MCOLN2: variants seen among roughly 807,000 people sequenced by gnomAD.
MCOLN2 encodes the protein mucolipin TRP cation channel 2, also known as mucolipin-2.
MCOLN2 carries 57 observed loss-of-function variants against 67.5 expected under a neutral mutation model. That is an observed-to-expected ratio of 0.84 (90% CI 0.68 to 1.05). MCOLN2 has a LOEUF of 1.05. Ranked by LOEUF, MCOLN2 falls within the 50% of genes least tolerant of loss-of-function variation. The pLI is 0.00. For missense variants in MCOLN2, 620 were observed against 678.8 expected (o/e 0.91, Z 0.96); for synonymous variants, 246 against 233.3 (o/e 1.05, Z -0.50).
chr1:84,971,394 T>C (rs1049581946), intron 1 of MCOLN2, among the ~76,000 whole-genome samples: 5 of 152,068 alleles, frequency 3.3e-5, no homozygotes, highest in African/African-American at 1.2e-4. Flanking sequence ...AAGGAAAATA[T>C]AAATGTATAA....
Position 84,931,500 on chromosome 1 carries a change from G to A in MCOLN2, c.1404C>T (p.Thr468=). The A allele has an allele frequency of 3.1e-6, 5 of 1,613,992 alleles. No individual in the cohort carries two copies. The highest frequency in any genetic ancestry group is 4.2e-6 in the Non-Finnish European group (5 of 1,179,950). ...SLVNGDDMFA[T]FAQIQQKSIL... is the part of the protein sequence containing the mutation. ...TGCTCTTCTGCTGGATTTGGGCAAA[G>A]GTTGCAAACATGTCATCACCGTTGA... is the stretch of plus-strand genomic sequence containing the variant. Residue 468 remains threonine (T), a synonymous_variant, in exon 12 of 14, where the codon ACC becomes ACT. Transcript: ENST00000370608.
chr1:84,993,079 T>C (rs945104096), intron 1 of MCOLN2, among the ~76,000 whole-genome samples: 5 of 152,260 alleles, frequency 3.3e-5, no homozygotes, highest in Non-Finnish European at 5.9e-5. Flanking sequence ...TGCTGTTTTA[T>C]CAACTATGTT....
rs1313929480 is a variant in MCOLN2 at position 84,927,273 on chromosome 1, G to GA, written c.1665-553dup. On this transcript the variant is annotated intron_variant, in intron 13 of 13. Transcript: ENST00000370608. Reference sequence around the variant, plus strand: ...CAATAAATACATTGGTTTGTTTCTGGAAAAAAAAAAAGAATCTCTGTGTCC... The same window carrying GA: ...CAATAAATACATTGGTTTGTTTCTGGAAAAAAAAAAAAGAATCTCTGTGTCC... 7.1e-3 allele frequency among the ~76,000 whole-genome samples: 1,030 copies of GA among 144,376 alleles called. 5 individuals carry two copies. Among genetic ancestry groups the GA allele is most frequent in the African/African-American group, 0.023 (911 of 39,642 alleles). The allele number at this position is 144,376 out of a possible 152,430, so 94.7% of individuals were successfully genotyped here.
intron 1 of MCOLN2, among the ~76,000 whole-genome samples, chr1:84,995,248 A>G (rs116058968): frequency 0.023 from 3,078 of 131,072 alleles, 102 homozygotes; most frequent in African/African-American, 0.074. Context: ...ATAGAGACAC[A>G]AAGTGAGCAC....
intron 6 of MCOLN2, among the ~76,000 whole-genome samples, chr1:84,947,958 G>A (rs573666718): frequency 2.0e-5 from 3 of 152,276 alleles, no homozygotes; most frequent in Admixed American, 6.5e-5. Context: ...CTGGGAACAG[G>A]CAGAAGTGCA....
intron 6 of MCOLN2, among the ~76,000 whole-genome samples, chr1:84,949,639 C>A (rs1345707308): frequency 1.3e-5 from 2 of 151,836 alleles, no homozygotes; most frequent in Non-Finnish European, 2.9e-5. Context: ...AGCAAGACTC[C>A]GTCTCAAAAA....
intron 13 of MCOLN2, among the ~76,000 whole-genome samples, chr1:84,927,775 CT>C (rs1661230959): frequency 6.6e-6 from 1 of 152,164 alleles, no homozygotes; most frequent in South Asian, 2.1e-4. Context: ...GTCCATTCTT[CT>C]GTCCCTAGCT....
chr1:84,965,735 T>C (rs756052192), intron 1 of MCOLN2, 27 bp from the exon 2 acceptor site: 1 of 1,606,184 alleles, frequency 6.2e-7, no homozygotes, highest in Non-Finnish European at 8.5e-7. Flanking sequence ...ATTTTAAATA[T>C]CCAGGAAAGC....
chr1:84,994,148 T>C (rs570081472), intron 1 of MCOLN2, among the ~76,000 whole-genome samples: 1 of 152,328 alleles, frequency 6.6e-6, no homozygotes, highest in East Asian at 1.9e-4. Flanking sequence ...CAGTAAATCA[T>C]GCTGTAAACA....
chr1:84,990,648 T>C (rs1315628734), intron 1 of MCOLN2, among the ~76,000 whole-genome samples: 2 of 152,172 alleles, frequency 1.3e-5, no homozygotes, highest in Non-Finnish European at 2.9e-5. Context: ...CTGGGCATGG[T>C]GGCTTAGGCC....
chr1:84,933,786 A>G (rs1180125747), intron 11 of MCOLN2, among the ~76,000 whole-genome samples: 1 of 152,152 alleles, frequency 6.6e-6, no homozygotes, highest in Non-Finnish European at 1.5e-5. Flanking sequence ...TTCATTTTTT[A>G]ATTTTCTGTT....
rs746323907 is a variant in MCOLN2 at position 84,931,416 on chromosome 1, A to C, written c.1488T>G (p.Tyr496Ter). 9.2e-5 allele frequency: 147 copies of C among 1,597,252 alleles called. No homozygotes were observed. Among genetic ancestry groups the C allele is most frequent in the Non-Finnish European group, 7.7e-6 (9 of 1,164,840 alleles). Residue 496 changes from tyrosine (Y) to a stop codon, truncating the protein, a stop_gained, in exon 12 of 14, where the codon TAT (tyrosine) becomes TAG (stop). Transcript: ENST00000370608. LOFTEE classifies it high-confidence loss of function. Reference sequence around the variant, plus strand: ...GTGCAATAAAAAGACTGAGAATCATATATATAAAAAGGCTGATGAAGGAAT... The same window carrying C: ...GTGCAATAAAAAGACTGAGAATCATCTATATAAAAAGGCTGATGAAGGAAT... ...YLYSFISLFI[Y>*]MILSLFIALI...
At chr1:84,954,416 A>T (rs1648673094) in intron 4 of MCOLN2, among the ~76,000 whole-genome samples, 1 of 152,244 alleles carries the variant, frequency 6.6e-6, no homozygotes, top group African/African-American at 2.4e-5. Flanking sequence ...TAGAAATAGC[A>T]AAAACATATT....
intron 11 of MCOLN2, among the ~76,000 whole-genome samples, chr1:84,933,532 A>G (rs1647273303): frequency 6.6e-6 from 1 of 152,234 alleles, no homozygotes; most frequent in Non-Finnish European, 1.5e-5. Flanking sequence ...GCCAGAGTAA[A>G]TATTTTCCAT....
At chr1:84,940,182 G>A (rs1467785665) in intron 8 of MCOLN2, among the ~76,000 whole-genome samples, 1 of 152,102 alleles carries the variant, frequency 6.6e-6, no homozygotes, top group Non-Finnish European at 1.5e-5. Flanking sequence ...AGAATATCAA[G>A]GGGATTGGGG....
chr1:84,962,431 T>A (rs921940190), intron 2 of MCOLN2, among the ~76,000 whole-genome samples: 4 of 152,180 alleles, frequency 2.6e-5, no homozygotes, highest in Admixed American at 1.3e-4. Flanking sequence ...TTTAGTCAGC[T>A]GTTTAAGAGG....
In MCOLN2 at chr1:84,927,030, G is replaced by A. The variant is rs527696847; in HGVS notation, c.1665-309C>T. 2.3e-4 allele frequency among the ~76,000 whole-genome samples: 35 copies of A among 151,760 alleles called. 1 individual carries two copies. The South Asian group carries it at 3.6e-3, about 16-fold the overall frequency. On this transcript the variant is annotated intron_variant, in intron 13 of 13. Coordinates refer to ENST00000370608, the MANE Select transcript of MCOLN2 (RefSeq NM_153259.4). ...CCCCAGGGAGGGGAACATCGCACAC[G>A]GGGAAATGTTGGGGGGTAGGGGGAA... is the stretch of plus-strand genomic sequence containing the variant.
At chr1:84,939,479 A>C in intron 9 of MCOLN2, 74 bp downstream of exon 9, 2 of 1,441,154 alleles carry the variant, frequency 1.4e-6, no homozygotes, top group South Asian at 2.4e-5. Context: ...TCTCCAAAGG[A>C]TGGTACGTCT....
At chr1:84,935,999 G>A (rs1354439913) in intron 11 of MCOLN2, among the ~76,000 whole-genome samples, 1 of 152,206 alleles carries the variant, frequency 6.6e-6, no homozygotes, top group Non-Finnish European at 1.5e-5. Context: ...AAGCTCTACA[G>A]GGTATGGGTC....
Sources: gnomAD v4.1 joint callset for allele counts (sites outside exome capture counted in the v4.1 genomes callset) on GRCh38, gnomAD v4.1.1 for gene constraint, MANE v1.5 for transcripts, NCBI Gene and HGNC (gene_info 2026-07-23, HGNC 2026-07-21) for gene names.